Variants in PDE1A observed in about 807,000 individuals in gnomAD.
PDE1A encodes phosphodiesterase 1A.
Under a neutral mutation model 61.7 loss-of-function variants are expected in PDE1A, and 35 were observed. The observed-to-expected ratio is 0.57, with a 90% confidence interval of 0.43 to 0.75. The LOEUF is 0.75. PDE1A is among the 30% of genes least tolerant of loss of function. PDE1A has a pLI of 0.00. For missense variants in PDE1A, 597 were observed against 630.6 expected (o/e 0.95, Z 0.57); for synonymous variants, 232 against 213.2 (o/e 1.09, Z -0.77).
intron 12 of PDE1A, 126 bp from the exon 13 acceptor site, chr2:182,186,205 C>CATCT: frequency 1.0e-6 from 1 of 974,488 alleles, no homozygotes; most frequent in Non-Finnish European, 1.5e-6. Flanking sequence ...CAGTTCTGAG[C>CATCT]ACGTGGCAGC....
chr2:182,148,171 T>C (rs1690593573), intron 13 of PDE1A, among the ~76,000 whole-genome samples: 1 of 152,182 alleles, frequency 6.6e-6, no homozygotes. Context: ...AAATCTCAAA[T>C]CAGACAATAG....
At chr2:182,630,549 C>CT in the PDE1A span, among the ~76,000 whole-genome samples, 41 of 150,780 alleles carry the variant, frequency 2.7e-4, no homozygotes, top group South Asian at 3.3e-3. Flanking sequence ...CTTTAATCCT[C>CT]TTTTTTAAAA....
Position 182,230,909 on chromosome 2 carries a change from A to G in PDE1A, c.534+106T>C, listed in dbSNP as rs192443950. 7.9e-4 allele frequency: 537 copies of G among 677,418 alleles called. 4 individuals are homozygous for G. Among genetic ancestry groups the G allele is most frequent in the Non-Finnish European group, 2.9e-5 (11 of 384,374 alleles). 42.0% of individuals were successfully genotyped at this position (677,418 alleles called of 1,614,324 possible). A position where few individuals can be genotyped will look rare whatever the true frequency, so the allele number is the denominator to read the frequency against. ...ACCTTAATTCTGTGACCTGCTAACTAAAACATCCTAAAATGAATTGCTTAA... is the reference window on the plus strand; with the variant it reads ...ACCTTAATTCTGTGACCTGCTAACTGAAACATCCTAAAATGAATTGCTTAA... On this transcript the variant is annotated intron_variant, in intron 5 of 13. Transcript: ENST00000351439.
chr2:182,301,813 G>A (rs1695262128), intron 1 of PDE1A, among the ~76,000 whole-genome samples: 1 of 152,192 alleles, frequency 6.6e-6, no homozygotes, highest in African/African-American at 2.4e-5. Flanking sequence ...AAAGGTCATA[G>A]TAACCAGGGG....
the PDE1A span, among the ~76,000 whole-genome samples, chr2:182,640,006 G>T: frequency 6.6e-6 from 1 of 151,996 alleles, no homozygotes; most frequent in Admixed American, 6.6e-5. Flanking sequence ...GTGAAGTCTA[G>T]CAAGAACTTT....
At chr2:182,358,688 T>C (rs751024844) in intron 1 of PDE1A, among the ~76,000 whole-genome samples, 1 of 152,164 alleles carries the variant, frequency 6.6e-6, no homozygotes, top group Non-Finnish European at 1.5e-5. Flanking sequence ...TTTGAAGGCT[T>C]ACTAAGCGAC....
At chr2:182,165,875 T>A (rs2125307879), downstream of PDE1A, among the ~76,000 whole-genome samples, 1 of 152,330 alleles carries the variant, frequency 6.6e-6, no homozygotes, top group African/African-American at 2.4e-5. Flanking sequence ...TCATGTAACA[T>A]AAGATTTATT....
chr2:182,302,310 G>A (rs1185062487), intron 1 of PDE1A, among the ~76,000 whole-genome samples: 9 of 152,014 alleles, frequency 5.9e-5, no homozygotes, highest in Admixed American at 3.3e-4. Context: ...CTCAATTATC[G>A]GCATGCCTCA....
At chr2:182,145,172 A>T (rs551049395), downstream of PDE1A, among the ~76,000 whole-genome samples, 1 of 152,360 alleles carries the variant, frequency 6.6e-6, no homozygotes, top group African/African-American at 2.4e-5. Flanking sequence ...TAACTTTGAC[A>T]TAATTCCTTT....
the PDE1A span, among the ~76,000 whole-genome samples, chr2:182,529,117 C>G: frequency 6.6e-6 from 1 of 152,314 alleles, no homozygotes; most frequent in South Asian, 2.1e-4. Flanking sequence ...GATCTACAAA[C>G]AGCTTGCACC....
intron 2 of PDE1A, among the ~76,000 whole-genome samples, chr2:182,257,666 G>C (rs1691916977): frequency 6.6e-6 from 1 of 152,148 alleles, no homozygotes; most frequent in African/African-American, 2.4e-5. Flanking sequence ...CATAGGGGTT[G>C]ATCCTTAGAG....
intron 8 of PDE1A, among the ~76,000 whole-genome samples, chr2:182,202,156 G>GTATT: frequency 6.6e-6 from 1 of 152,170 alleles, no homozygotes. Flanking sequence ...GTATTATATA[G>GTATT]TATTTCAATG....
At chr2:182,273,687 G>C (rs1366978814) in intron 1 of PDE1A, among the ~76,000 whole-genome samples, 1 of 151,984 alleles carries the variant, frequency 6.6e-6, no homozygotes, top group Non-Finnish European at 1.5e-5. Flanking sequence ...AGTGTGTTGA[G>C]TACTTTTACA....
At chr2:182,499,433 A>G (rs551518611) in intron 2 of PDE1A, among the ~76,000 whole-genome samples, 7 of 152,304 alleles carry the variant, frequency 4.6e-5, no homozygotes, top group African/African-American at 1.7e-4. Context: ...CATGTTGACC[A>G]GGCTAGTCTC....
chr2:182,320,402 C>T (rs942608149), intron 1 of PDE1A, among the ~76,000 whole-genome samples: 2 of 151,838 alleles, frequency 1.3e-5, no homozygotes, highest in Admixed American at 6.6e-5. Context: ...AGGAAATTTG[C>T]CAAAGAAGAC....
chr2:182,462,195 A>T (rs1410805370), intron 2 of PDE1A, among the ~76,000 whole-genome samples: 2 of 152,042 alleles, frequency 1.3e-5, no homozygotes, highest in Non-Finnish European at 1.5e-5. Context: ...TAGGAGATAT[A>T]CCTAATGTAA....
At chr2:182,634,636 C>T in the PDE1A span, among the ~76,000 whole-genome samples, 2 of 152,112 alleles carry the variant, frequency 1.3e-5, no homozygotes, top group Non-Finnish European at 2.9e-5. Flanking sequence ...GTTACCCTCG[C>T]CTTGAAATGC....
At chr2:182,569,286 G>T in the PDE1A span, among the ~76,000 whole-genome samples, 3 of 133,486 alleles carry the variant, frequency 2.2e-5, no homozygotes, top group South Asian at 2.2e-4. Flanking sequence ...TGTATTTCCT[G>T]TTGTAATAAA....
At chr2:182,655,349 C>T in the PDE1A span, among the ~76,000 whole-genome samples, 23,975 of 152,074 alleles carry the variant, frequency 0.16, 2,529 homozygotes, top group African/African-American at 0.3. Context: ...TGATGGACTC[C>T]AGGTGTTTTC....
Sources: gnomAD v4.1 joint callset for allele counts (sites outside exome capture counted in the v4.1 genomes callset) on GRCh38, gnomAD v4.1.1 for gene constraint, MANE v1.5 for transcripts, NCBI Gene and HGNC (gene_info 2026-07-23, HGNC 2026-07-21) for gene names.